The following SKIC3 variants were observed in gnomAD, a reference collection of about 807,000 sequenced individuals.
SKIC3 encodes superkiller complex protein 3.
the SKIC3 span, chr5:95,543,314 T>G: frequency 1.9e-6 from 3 of 1,613,976 alleles, no homozygotes; most frequent in Non-Finnish European, 2.5e-6. Context: ...ATTTTTCTCT[T>G]GCTTTAACAC....
the SKIC3 span, chr5:95,548,538 T>C: frequency 6.6e-6 from 1 of 152,144 alleles, no homozygotes; most frequent in Admixed American, 6.5e-5. Context: ...ATTTCATATG[T>C]TCTTGCTTTA....
chr5:95,513,692 A>G, the SKIC3 span: 1 of 1,542,116 alleles, frequency 6.5e-7, no homozygotes, highest in African/African-American at 1.4e-5. Context: ...AAAGACAGTA[A>G]CAATAATAAT....
chr5:95,540,830 C>A, the SKIC3 span: 1 of 1,613,600 alleles, frequency 6.2e-7, no homozygotes, highest in South Asian at 1.1e-5. Flanking sequence ...GTTCGAGCCA[C>A]CTATTAAAGA....
chr5:95,519,564 G>A, the SKIC3 span, among the ~76,000 whole-genome samples: 2 of 151,942 alleles, frequency 1.3e-5, no homozygotes, highest in East Asian at 3.9e-4. Flanking sequence ...TGAGAAGAGA[G>A]GAAAAAAGTG....
the SKIC3 span, among the ~76,000 whole-genome samples, chr5:95,492,912 A>G: frequency 2.6e-5 from 4 of 152,080 alleles, no homozygotes; most frequent in Admixed American, 2.6e-4. Context: ...TACTGTTTCC[A>G]TGAACTCTTC....
chr5:95,490,825 A>G, the SKIC3 span: 1 of 1,564,846 alleles, frequency 6.4e-7, no homozygotes, highest in Non-Finnish European at 8.8e-7. Flanking sequence ...ATAACAACAT[A>G]TGCTGAAGCC....
the SKIC3 span, among the ~76,000 whole-genome samples, chr5:95,489,345 G>GTATA: frequency 1.3e-5 from 2 of 151,934 alleles, no homozygotes; most frequent in East Asian, 3.8e-4. Flanking sequence ...GTGTGTGGAT[G>GTATA]TATACAGACT....
At chr5:95,464,534 G>T in the SKIC3 span, 1 of 1,150,462 alleles carries the variant, frequency 8.7e-7, no homozygotes, top group Non-Finnish European at 1.3e-6. Flanking sequence ...ATGTTGCTTT[G>T]GGTAGAAGTC....
the SKIC3 span, among the ~76,000 whole-genome samples, chr5:95,538,617 T>C: frequency 1.3e-5 from 2 of 152,150 alleles, no homozygotes; most frequent in South Asian, 2.1e-4. Flanking sequence ...AGACATTAAG[T>C]TGACTTTTAA....
the SKIC3 span, among the ~76,000 whole-genome samples, chr5:95,525,084 G>A: frequency 1.3e-5 from 2 of 151,754 alleles, no homozygotes; most frequent in South Asian, 2.1e-4. Flanking sequence ...GGGTTTCATC[G>A]TGTTGCCCAG....
chr5:95,529,000 C>T, the SKIC3 span: 1 of 1,613,308 alleles, frequency 6.2e-7, no homozygotes, highest in Admixed American at 1.7e-5. Context: ...ATCAAAAATA[C>T]CTTGACTGCA....
the SKIC3 span, chr5:95,464,553 T>C: frequency 2.3e-4 from 319 of 1,365,680 alleles, no homozygotes; most frequent in Middle Eastern, 2.1e-4. Flanking sequence ...TCTTGATTCA[T>C]TGCTTCATTC....
the SKIC3 span, among the ~76,000 whole-genome samples, chr5:95,542,102 T>C: frequency 9.9e-4 from 150 of 152,260 alleles, 2 homozygotes; most frequent in Admixed American, 3.9e-4. Flanking sequence ...ACAGGTAAAG[T>C]GGATATTGTT....
the SKIC3 span, among the ~76,000 whole-genome samples, chr5:95,543,967 G>A: frequency 4.6e-5 from 7 of 152,220 alleles, no homozygotes; most frequent in South Asian, 1.5e-3. Context: ...TATGTTCTAG[G>A]GAAAGAAAAA....
chr5:95,528,844 T>G, the SKIC3 span: 1 of 679,316 alleles, frequency 1.5e-6, no homozygotes, highest in Non-Finnish European at 2.6e-6. Flanking sequence ...TACACATGCA[T>G]GCAGACTTTT....
chr5:95,529,150 T>C, the SKIC3 span: 13 of 1,513,338 alleles, frequency 8.6e-6, no homozygotes, highest in African/African-American at 4.1e-5. Flanking sequence ...TGTGACTACA[T>C]AGATGAACAG....
At chr5:95,487,205 T>C in the SKIC3 span, among the ~76,000 whole-genome samples, 4 of 152,188 alleles carry the variant, frequency 2.6e-5, no homozygotes, top group Non-Finnish European at 5.9e-5. Flanking sequence ...AGTTCTTCAG[T>C]GTGGGGGCTG....
At chr5:95,532,845 C>T in the SKIC3 span, among the ~76,000 whole-genome samples, 1,004 of 152,170 alleles carry the variant, frequency 6.6e-3, 9 homozygotes, top group South Asian at 0.036. Context: ...TGAGTAATAA[C>T]TATGAAATTC....
the SKIC3 span, chr5:95,541,966 C>T: frequency 1.1e-5 from 12 of 1,075,552 alleles, no homozygotes; most frequent in East Asian, 2.9e-4. Flanking sequence ...TTCTCACATT[C>T]ATTTATTTTG....
Sources: allele counts gnomAD v4.1 joint callset (sites outside exome capture counted in the v4.1 genomes callset), GRCh38; gene constraint gnomAD v4.1.1; transcripts MANE v1.5; gene names NCBI Gene and HGNC (gene_info 2026-07-23, HGNC 2026-07-21).